The following SLC26A8 variants were observed in gnomAD, a reference collection of about 807,000 sequenced individuals.
The protein encoded by SLC26A8 is testis anion transporter 1.
In SLC26A8, 70 loss-of-function variants were observed where a neutral mutation model predicts 105.0. That is an observed-to-expected ratio of 0.67 (90% confidence interval 0.55 to 0.81). The LOEUF is 0.81. Among genes scored for constraint, SLC26A8 ranks in the 40% least tolerant of loss-of-function variants. The pLI, the probability that SLC26A8 is intolerant of heterozygous loss-of-function variation, is 0.00. For synonymous variants in SLC26A8, 415 were observed against 438.3 expected (o/e 0.95, Z 0.66); for missense variants, 998 against 1,181.8 (o/e 0.84, Z 2.28).
chr6:36,023,171 A>ATCCATCCATCCC (rs1762168499), intron 1 of SLC26A8, among the ~76,000 whole-genome samples: 1 of 150,378 alleles, frequency 6.6e-6, no homozygotes. Flanking sequence ...TTATCCATCC[A>ATCCATCCATCCC]TCCATCCATC....
intron 16 of SLC26A8, among the ~76,000 whole-genome samples, chr6:35,956,952 G>A (rs1772096361): frequency 6.6e-6 from 1 of 151,142 alleles, no homozygotes; most frequent in Non-Finnish European, 1.5e-5. Flanking sequence ...AGCTGGGGGT[G>A]TGCCTCACGC....
At chr6:35,945,702 A>G (rs1210150431) in intron 19 of SLC26A8, among the ~76,000 whole-genome samples, 1 of 152,158 alleles carries the variant, frequency 6.6e-6, no homozygotes. Context: ...CCATCATAGT[A>G]CCAGTAACAT....
chr6:35,948,603 AAAAC>A (rs148879895), intron 19 of SLC26A8, among the ~76,000 whole-genome samples: 9,307 of 152,266 alleles, frequency 0.061, 294 homozygotes, highest in Middle Eastern at 0.12. Flanking sequence ...AACAAAAACA[AAAAC>A]AAAAAACACT....
chr6:35,982,157 T>C lies in SLC26A8; in HGVS notation c.989A>G (p.Glu330Gly). 6.2e-7 allele frequency: 1 copy of C among 1,614,174 alleles called. No homozygotes were observed. Among genetic ancestry groups the C allele is most frequent in the Non-Finnish European group, 8.5e-7 (1 of 1,180,034 alleles). ...VIANKISMAT[E>G]TSQTLIDMIP... ...CATGTCAATAAGCGTCTGGCTGGTT[T>C]CTGTGGCCATGCTTATCTTGTTTGC... The change falls in exon 8 of 20, where the codon GAA (glutamate) becomes GGA (glycine). Residue 330 changes from glutamate to glycine, a missense_variant. By Grantham distance (98) the Glu-to-Gly change is moderately conservative. Coordinates refer to ENST00000490799, the MANE Select transcript of SLC26A8 (RefSeq NM_052961.4).
chr6:36,010,479 T>C (rs1193283864), intron 3 of SLC26A8, among the ~76,000 whole-genome samples: 2 of 151,352 alleles, frequency 1.3e-5, no homozygotes, highest in East Asian at 3.9e-4. Flanking sequence ...GTTCTGGAGG[T>C]GATGGAACTA....
At chr6:35,961,794 G>A (rs1437187594) in intron 12 of SLC26A8, among the ~76,000 whole-genome samples, 3 of 152,064 alleles carry the variant, frequency 2.0e-5, no homozygotes, top group Non-Finnish European at 4.4e-5. Flanking sequence ...TTTATTTCTT[G>A]CTGTTTCCCC....
chr6:36,019,572 A>T lies in SLC26A8; in HGVS notation c.136T>A (p.Ser46Thr). 1 of 1,614,160 alleles carries T rather than the reference A, an allele frequency of 6.2e-7. No homozygotes were observed. Among genetic ancestry groups the T allele is most frequent in the Non-Finnish European group, 8.5e-7 (1 of 1,180,020 alleles). Residue 46 changes from serine (S) to threonine (T), a missense_variant, in exon 2 of 20, where the codon TCT becomes ACT. By Grantham distance (58) the Ser-to-Thr change is moderately conservative. Transcript: ENST00000490799. ...QQEHKRKASS[S>T]GNMNINITTF... ...GTGATGTTGATGTTCATGTTCCCAG[A>T]AGAGGAGGCCTTCCTTTTGTGTTCC... is the stretch of plus-strand genomic sequence containing the variant.
intron 17 of SLC26A8, 60 bp downstream of exon 17, chr6:35,955,092 G>A (rs753806560): frequency 6.2e-7 from 1 of 1,603,348 alleles, no homozygotes; most frequent in African/African-American, 1.3e-5. Context: ...CAGGATCAGG[G>A]TGGGGTTGGG....
chr6:35,979,086 A>C (rs1773165402), intron 8 of SLC26A8, among the ~76,000 whole-genome samples: 1 of 148,540 alleles, frequency 6.7e-6, no homozygotes, highest in African/African-American at 2.5e-5. Context: ...TCCTGAGCTC[A>C]AGCGATTCGC....
chr6:36,008,826 C>T (rs1433238311), intron 3 of SLC26A8, among the ~76,000 whole-genome samples: 2 of 152,140 alleles, frequency 1.3e-5, no homozygotes, highest in African/African-American at 4.8e-5. Flanking sequence ...TGAGATATCA[C>T]TACATGACTA....
Position 35,996,034 on chromosome 6 carries a change from A to G in SLC26A8, c.627+1704T>C, listed in dbSNP as rs76115422. ...TAATTATAACTTATTGATGCTTACT[A>G]TGTGACAAGCTCTAGGCTAAATACT... On this transcript the variant is annotated intron_variant, in intron 5 of 19. Transcript: ENST00000490799. Among the ~76,000 whole-genome samples the G allele has an allele frequency of 5.4e-3, 823 of 152,296 alleles. 10 individuals are homozygous for G. The highest frequency in any genetic ancestry group is 0.018 in the African/African-American group (751 of 41,566).
Position 35,978,564 on chromosome 6 carries a change from C to T in SLC26A8, c.1026-1213G>A, listed in dbSNP as rs188439701. Among the ~76,000 whole-genome samples the T allele has an allele frequency of 3.3e-5, 5 of 152,132 alleles. No homozygotes were observed. In the East Asian group the frequency reaches 9.6e-4, roughly 29 times the overall value. On this transcript the variant is annotated intron_variant, in intron 8 of 19. Coordinates refer to ENST00000490799, the MANE Select transcript of SLC26A8 (RefSeq NM_052961.4). ...TCATCAAAGACAAATATGTATGCCT[C>T]AACAGTTGATTTCCTTCTGATAAAT... is the stretch of plus-strand genomic sequence containing the variant.
intron 10 of SLC26A8, 47 bp downstream of exon 10, chr6:35,975,328 A>C: frequency 9.4e-7 from 1 of 1,062,332 alleles, no homozygotes; most frequent in Non-Finnish European, 1.4e-6. Context: ...ATATGAATTG[A>C]TATGAATATG....
intron 10 of SLC26A8, chr6:35,969,172 T>C (rs1772680712): frequency 2.0e-6 from 1 of 507,232 alleles, no homozygotes; most frequent in South Asian, 2.1e-5. Flanking sequence ...AATGGAAAGA[T>C]GCTCCCTGAA....
intron 19 of SLC26A8, among the ~76,000 whole-genome samples, chr6:35,948,932 T>C (rs73404101): frequency 0.093 from 14,210 of 152,170 alleles, 2,081 homozygotes; most frequent in African/African-American, 0.31. Context: ...TTCTGCCATG[T>C]GGGGATGCTG....
intron 11 of SLC26A8, among the ~76,000 whole-genome samples, chr6:35,964,960 A>AAC (rs1772450246): frequency 1.3e-5 from 2 of 148,840 alleles, no homozygotes; most frequent in Non-Finnish European, 3.0e-5. Flanking sequence ...GAGTGAGACC[A>AAC]TGTCTCAAAA....
Position 35,998,293 on chromosome 6 carries a change from C to T in SLC26A8, c.446-374G>A, listed in dbSNP as rs535589707. Among the ~76,000 whole-genome samples the T allele has an allele frequency of 1.1e-4, 17 of 152,168 alleles. No individual in the cohort carries two copies. In the East Asian group the frequency reaches 2.5e-3, roughly 22 times the overall value. ...AGCAATCACCGGGCATGGTGGCTCA[C>T]GCCTGTAATCCTAGCACTTTGGGAG... On this transcript the variant is annotated intron_variant, in intron 4 of 19. Coordinates refer to ENST00000490799, the MANE Select transcript of SLC26A8 (RefSeq NM_052961.4).
chr6:36,018,734 G>T (rs1762055404), intron 2 of SLC26A8, among the ~76,000 whole-genome samples: 1 of 152,164 alleles, frequency 6.6e-6, no homozygotes, highest in African/African-American at 2.4e-5. Context: ...TTATCAGACT[G>T]CTAGAAGGTT....
At chr6:35,964,314 T>C (rs1024601541) in intron 11 of SLC26A8, among the ~76,000 whole-genome samples, 1 of 152,242 alleles carries the variant, frequency 6.6e-6, no homozygotes, top group East Asian at 1.9e-4. Context: ...AATGCTGATA[T>C]GTTTTCACAC....
Sources: gnomAD v4.1 joint callset for allele counts (sites outside exome capture counted in the v4.1 genomes callset) on GRCh38, gnomAD v4.1.1 for gene constraint, MANE v1.5 for transcripts, NCBI Gene and HGNC (gene_info 2026-07-23, HGNC 2026-07-21) for gene names.